Variants in RORA observed in about 807,000 individuals in gnomAD.
RORA encodes the protein nuclear receptor ROR-alpha.
A neutral mutation model predicts 69.5 loss-of-function variants in RORA; 7 were observed. The observed-to-expected ratio is 0.10, with a 90% CI of 0.06 to 0.19. The LOEUF is 0.19. Among genes scored for constraint, RORA ranks in the 10% least tolerant of loss-of-function variants. The probability of loss-of-function intolerance (pLI) is 1.00; values close to 1 mark genes in which losing one functional copy is unlikely to be tolerated. For missense variants in RORA, 457 were observed against 663.0 expected (o/e 0.69, Z 3.41); for synonymous variants, 261 against 240.8 (o/e 1.08, Z -0.78).
chr15:61,197,526 T>G (rs1229550456), intron 1 of RORA, among the ~76,000 whole-genome samples: 2 of 152,176 alleles, frequency 1.3e-5, no homozygotes, highest in Non-Finnish European at 2.9e-5. Flanking sequence ...TCCAAATCTC[T>G]CATTTCTCCC....
chr15:61,013,189 T>C (rs1217315431), intron 1 of RORA, among the ~76,000 whole-genome samples: 1 of 152,234 alleles, frequency 6.6e-6, no homozygotes, highest in African/African-American at 2.4e-5. Context: ...ATCTGAATAA[T>C]GGAAACGATA....
intron 1 of RORA, among the ~76,000 whole-genome samples, chr15:61,008,641 A>G (rs908568226): frequency 2.6e-4 from 40 of 152,252 alleles, no homozygotes; most frequent in African/African-American, 7.9e-4. Context: ...AATCCTATGG[A>G]AAAAAATGCG....
chr15:60,499,904 T>C lies in RORA; in HGVS notation c.1395A>G (p.Gly465=), dbSNP rs117458658. ...HVLQKNHRED[G]ILTKLICKVS... ...CTTTGGCACTCACCTTTGTTAGTAT[T>C]CCATCTTCTCGGTGATTCTTCTGTA... Residue 465 remains glycine (G), a synonymous_variant, in exon 10 of 11, where the codon GGA becomes GGG. Coordinates refer to ENST00000335670, the MANE Select transcript of RORA (RefSeq NM_134261.3). 1 of 1,600,698 alleles carries C rather than the reference T, an allele frequency of 6.2e-7. No individual in the cohort carries two copies. Among genetic ancestry groups the C allele is most frequent in the Non-Finnish European group, 8.6e-7 (1 of 1,169,334 alleles).
chr15:61,028,749 G>A (rs1045112882), intron 1 of RORA, among the ~76,000 whole-genome samples: 4 of 152,154 alleles, frequency 2.6e-5, no homozygotes, highest in African/African-American at 9.7e-5. Flanking sequence ...CAACTGATGC[G>A]TGGGCAAATA....
At chr15:61,218,700 ACACACACAC>A (rs1326957544) in intron 1 of RORA, among the ~76,000 whole-genome samples, 1 of 151,484 alleles carries the variant, frequency 6.6e-6, no homozygotes, top group African/African-American at 2.4e-5. Context: ...ACACACACAC[ACACACACAC>A]AATTTCCTTC....
intron 1 of RORA, among the ~76,000 whole-genome samples, chr15:60,819,769 A>ACACACACGCGCG (rs757674029): frequency 1.7e-4 from 25 of 150,162 alleles, no homozygotes; most frequent in Non-Finnish European, 3.1e-4. Context: ...ACACACACAC[A>ACACACACGCGCG]CACACACACA....
chr15:60,640,479 C>T (rs1027321453), intron 2 of RORA, among the ~76,000 whole-genome samples: 2 of 152,164 alleles, frequency 1.3e-5, no homozygotes, highest in African/African-American at 2.4e-5. Flanking sequence ...TCACATCATG[C>T]CCCTACCCTG....
chr15:60,600,282 G>A (rs564923176), intron 2 of RORA, among the ~76,000 whole-genome samples: 1 of 152,322 alleles, frequency 6.6e-6, no homozygotes, highest in African/African-American at 2.4e-5. Context: ...GAGCGTTCCA[G>A]GAGCAAATGC....
At chr15:60,614,861 G>T (rs1399907955) in intron 2 of RORA, 6 of 1,580,168 alleles carry the variant, frequency 3.8e-6, no homozygotes, top group African/African-American at 1.3e-5. Flanking sequence ...ACATATAGCT[G>T]CCTGGAGCAT....
intron 3 of RORA, among the ~76,000 whole-genome samples, chr15:60,515,743 G>C (rs1436565947): frequency 7.0e-6 from 1 of 142,944 alleles, no homozygotes; most frequent in African/African-American, 2.6e-5. Context: ...ACACATGGGG[G>C]CTTTTTTTCG....
chr15:60,824,543 T>G lies in RORA; in HGVS notation c.167-145857A>C, dbSNP rs539459007. On this transcript the variant is annotated intron_variant, in intron 1 of 10. Coordinates refer to ENST00000335670, the MANE Select transcript of RORA (RefSeq NM_134261.3). ...ACTTGGTGTGCTCATGGCCATATGC[T>G]GTAGTGATTAAATCAGACTAGCTGG... 7.9e-5 allele frequency among the ~76,000 whole-genome samples: 12 copies of G among 152,304 alleles called. No individual in the cohort carries two copies. In the South Asian group the frequency reaches 2.5e-3, roughly 32 times the overall value.
At chr15:61,024,918 C>T (rs896212469) in intron 1 of RORA, among the ~76,000 whole-genome samples, 5 of 152,180 alleles carry the variant, frequency 3.3e-5, no homozygotes, top group African/African-American at 1.2e-4. Flanking sequence ...CCTTTCCGCA[C>T]TTGATGTTAG....
intron 1 of RORA, chr15:60,681,446 T>A (rs2070640780): frequency 6.6e-6 from 1 of 152,186 alleles, no homozygotes; most frequent in South Asian, 2.1e-4. Flanking sequence ...GGAAGACTCA[T>A]CCTGAGTTTG....
At chr15:60,524,509 G>A (rs546846412) in intron 3 of RORA, among the ~76,000 whole-genome samples, 20 of 152,272 alleles carry the variant, frequency 1.3e-4, no homozygotes, top group Non-Finnish European at 2.1e-4. Context: ...GAAGACATTC[G>A]GTTGCTCTGG....
At chr15:60,956,228 T>C (rs938191939) in intron 1 of RORA, among the ~76,000 whole-genome samples, 4 of 152,244 alleles carry the variant, frequency 2.6e-5, no homozygotes, top group African/African-American at 7.2e-5. Context: ...ATTATTACAA[T>C]GACTTGTTTT....
At chr15:60,642,410 G>A (rs2069960219) in intron 2 of RORA, among the ~76,000 whole-genome samples, 1 of 152,210 alleles carries the variant, frequency 6.6e-6, no homozygotes, top group African/African-American at 2.4e-5. Context: ...TCCAGTCAGT[G>A]TAGGACATTT....
At chr15:61,218,722 C>T (rs947157177) in intron 1 of RORA, among the ~76,000 whole-genome samples, 1 of 144,190 alleles carries the variant, frequency 6.9e-6, no homozygotes. Flanking sequence ...TTTCCTTCTA[C>T]AAAAAAGATG....
intron 1 of RORA, among the ~76,000 whole-genome samples, chr15:61,068,732 T>C (rs1462219774): frequency 1.3e-5 from 2 of 152,228 alleles, no homozygotes; most frequent in Non-Finnish European, 2.9e-5. Context: ...CATTCACCCA[T>C]GTATAAGCTT....
At chr15:61,106,940 T>A (rs564123536) in intron 1 of RORA, among the ~76,000 whole-genome samples, 1 of 152,316 alleles carries the variant, frequency 6.6e-6, no homozygotes, top group African/African-American at 2.4e-5. Context: ...CCCTCAGGCC[T>A]ATTTAAATCC....
Sources: gnomAD v4.1 joint callset for allele counts (sites outside exome capture counted in the v4.1 genomes callset) on GRCh38, gnomAD v4.1.1 for gene constraint, MANE v1.5 for transcripts, NCBI Gene and HGNC (gene_info 2026-07-23, HGNC 2026-07-21) for gene names.